The following FYCO1 variants were observed in gnomAD, a reference collection of about 807,000 sequenced individuals.
The protein encoded by FYCO1 is FYVE and coiled-coil domain-containing protein 1.
FYCO1 carries 122 observed loss-of-function variants against 165.1 expected under a neutral mutation model. The ratio of observed to expected loss-of-function variants is 0.74; its 90% CI spans 0.64 to 0.86. FYCO1 has a LOEUF of 0.86. FYCO1 is among the 40% of genes least tolerant of loss of function. FYCO1 has a pLI of 0.00. For synonymous variants in FYCO1, 648 were observed against 742.5 expected, an observed-to-expected ratio of 0.87 and a Z score of 2.07; for missense variants, 1,702 against 1,810.3, an observed-to-expected ratio of 0.94 and a Z score of 1.09.
In FYCO1 at chr3:45,966,746, G is replaced by A; in HGVS notation, c.2588C>T (p.Ala863Val). The A allele has an allele frequency of 6.2e-7, 1 of 1,610,928 alleles. No homozygotes were observed. The highest frequency in any genetic ancestry group is 1.7e-4 in the Middle Eastern group (1 of 6,060). ...GALQEERADEAQQREEELRAL... is the reference protein window; with the variant it reads ...GALQEERADEVQQREEELRAL... ...CCGCAGCTCCTCCTCCCTCTGCTGGGCCTCATCGGCCCTCTCCTCCTGCAG... is the reference window on the plus strand; with the variant it reads ...CCGCAGCTCCTCCTCCCTCTGCTGGACCTCATCGGCCCTCTCCTCCTGCAG... Residue 863 changes from alanine to valine, a missense_variant, in exon 8 of 18, where the codon GCC (alanine) becomes GTC (valine). Physicochemically the swap from Ala to Val is moderately conservative, Grantham distance 64. Coordinates refer to ENST00000296137, the MANE Select transcript of FYCO1 (RefSeq NM_024513.4).
chr3:45,971,081 C>A (rs1167858054), intron 6 of FYCO1, among the ~76,000 whole-genome samples: 1 of 152,104 alleles, frequency 6.6e-6, no homozygotes, highest in East Asian at 1.9e-4. Flanking sequence ...CAAACCTCCC[C>A]ACAAGAGCCA....
At position 45,958,414 on chromosome 3, in the gene FYCO1, C is replaced by T. The variant is rs764544622; in HGVS notation, c.3793G>A (p.Gly1265Ser). 2.5e-6 allele frequency: 4 copies of T among 1,612,154 alleles called. No homozygotes were observed. The African/African-American group carries it at 5.3e-5, about 22-fold the overall frequency. The change falls in exon 13 of 18, where the codon GGC becomes AGC. Residue 1265 changes from glycine (G) to serine (S), a missense_variant. Gly to Ser is a moderately conservative substitution (Grantham distance 56). Transcript: ENST00000296137. ...PASPGPQATG[G>S]QGANTDYRPP... ...GTAGTAGCAGGAGACTGACCTTGGC[C>T]TCCTGTGGCCTGGGGCCCAGGTGAG... is the stretch of plus-strand genomic sequence containing the variant.
intron 14 of FYCO1, 52 bp from the exon 15 acceptor site, chr3:45,936,595 C>T (rs1274543697): frequency 7.7e-7 from 1 of 1,305,502 alleles, no homozygotes; most frequent in East Asian, 2.3e-5. Context: ...CACACAGGGT[C>T]TCACATCCTG....
chr3:45,947,722 A>C (rs1006941198), intron 14 of FYCO1: 2 of 558,696 alleles, frequency 3.6e-6, no homozygotes, highest in African/African-American at 3.8e-5. Flanking sequence ...GGGGGTCTAA[A>C]ATTTTTAAGG....
At position 45,966,701 on chromosome 3, in the gene FYCO1, G is replaced by A. The variant is rs768325536; in HGVS notation, c.2633C>T (p.Ser878Phe). Residue 878 changes from serine (S) to phenylalanine (F), a missense_variant, in exon 8 of 18, where the codon TCC becomes TTC. Coordinates refer to ENST00000296137, the MANE Select transcript of FYCO1 (RefSeq NM_024513.4). ...EELRALQEEL[S>F]QAKCSSEEAQ... ...TTCCTCGGAGCTGCATTTGGCCTGG[G>A]ACAGCTCCTCCTGCAGGGCCCGCAG... is the stretch of plus-strand genomic sequence containing the variant. 18 of 1,613,522 alleles carry A rather than the reference G, an allele frequency of 1.1e-5. No individual in the cohort carries two copies. The highest frequency in any genetic ancestry group is 1.5e-5 in the Non-Finnish European group (18 of 1,179,966).
In FYCO1 at chr3:45,967,633, T is replaced by C; in HGVS notation, c.1701A>G (p.Ala567=). The change falls in exon 8 of 18, where the codon GCA becomes GCG. Residue 567 remains alanine (A), a synonymous_variant. Transcript: ENST00000296137. ...AGPPGPELPV[A]GEKNEALVPV... ...GGACCAGGGCCTCATTCTTCTCACC[T>C]GCCACTGGCAGTTCTGGGCCAGGCG... is the stretch of plus-strand genomic sequence containing the variant. The C allele has an allele frequency of 6.2e-7, 1 of 1,613,968 alleles. No homozygotes were observed. Among genetic ancestry groups the C allele is most frequent in the Non-Finnish European group, 8.5e-7 (1 of 1,180,028 alleles).
chr3:45,945,899 G>A (rs1704562986), intron 14 of FYCO1: 1 of 152,758 alleles, frequency 6.5e-6, no homozygotes, highest in Non-Finnish European at 1.5e-5. Flanking sequence ...TACCCAGGCA[G>A]AGCAGTCTTG....
rs758850543 is a variant in FYCO1 at position 45,968,302 on chromosome 3, C to T, written c.1032G>A (p.Leu344=). ...HTALRRLESM[L]QPLAQELEAT... ...CCTCAAGCTCCTGTGCCAAGGGCTG[C>T]AGCATGGACTCCAGCCGCCGCAGGG... The change falls in exon 8 of 18, where the codon CTG becomes CTA. Residue 344 remains leucine (L), a synonymous_variant. Coordinates refer to ENST00000296137, the MANE Select transcript of FYCO1 (RefSeq NM_024513.4). 1.4e-5 allele frequency: 22 copies of T among 1,613,904 alleles called. No homozygotes were observed. In the South Asian group the frequency reaches 2.3e-4, roughly 17 times the overall value.
chr3:45,966,327 G>C lies in FYCO1; in HGVS notation c.3007C>G (p.Leu1003Val). 6.2e-7 allele frequency: 1 copy of C among 1,614,218 alleles called. No homozygotes were observed. Among genetic ancestry groups the C allele is most frequent in the Non-Finnish European group, 8.5e-7 (1 of 1,180,026 alleles). The change falls in exon 8 of 18, where the codon CTC becomes GTC. Residue 1003 changes from leucine to valine, a missense_variant. Transcript: ENST00000296137. ...QEAAHQELNTLKFQLSAEIMD... is the reference protein window; with the variant it reads ...QEAAHQELNTVKFQLSAEIMD... The stretch of plus-strand genomic sequence containing the variant: ...ATTTCAGCACTCAGCTGGAACTTGA[G>C]GGTGTTGAGCTCCTGGTGTGCAGCC...
chr3:45,969,916 A>T, intron 6 of FYCO1, 151 bp from the exon 7 acceptor site: 1 of 615,682 alleles, frequency 1.6e-6, no homozygotes, highest in Non-Finnish European at 2.9e-6. Context: ...TCCACCAAAG[A>T]GCACAGCTAC....
chr3:45,953,115 A>G (rs1396817285), intron 14 of FYCO1, among the ~76,000 whole-genome samples: 2 of 152,230 alleles, frequency 1.3e-5, no homozygotes, highest in Middle Eastern at 3.2e-3. Context: ...TAGTCAGGGA[A>G]CAGAGGGTTG....
chr3:45,990,859 C>T (rs562126351), intron 1 of FYCO1, among the ~76,000 whole-genome samples: 2 of 152,296 alleles, frequency 1.3e-5, no homozygotes, highest in African/African-American at 4.8e-5. Flanking sequence ...GCAACCTCCC[C>T]CTCCCAGGTT....
Position 45,959,407 on chromosome 3 carries a change from C to T in FYCO1, c.3573G>A (p.Arg1191=), listed in dbSNP as rs763406518. 1.2e-6 allele frequency: 2 copies of T among 1,614,024 alleles called. No individual in the cohort carries two copies. Among genetic ancestry groups the T allele is most frequent in the Non-Finnish European group, 1.7e-6 (2 of 1,180,040 alleles). Residue 1191 remains arginine, a synonymous_variant, in exon 12 of 18, where the codon CGG becomes CGA. Transcript: ENST00000296137. ...DCKREFSWMV[R]RHHCRICGRI... ...TCCCTGCTGACCTGCAGTGGTGCCGCCGCACCATCCAGCTGAACTCCCGCT... is the reference window on the plus strand; with the variant it reads ...TCCCTGCTGACCTGCAGTGGTGCCGTCGCACCATCCAGCTGAACTCCCGCT...
chr3:45,974,928 T>C (rs1044013404), intron 5 of FYCO1, among the ~76,000 whole-genome samples: 1 of 152,208 alleles, frequency 6.6e-6, no homozygotes, highest in African/African-American at 2.4e-5. Context: ...CCAGTAGTGC[T>C]GGCACCAAGG....
intron 13 of FYCO1, 52 bp from the exon 14 acceptor site, chr3:45,955,445 A>G (rs745387841): frequency 1.2e-6 from 2 of 1,608,434 alleles, no homozygotes; most frequent in Non-Finnish European, 1.7e-6. Context: ...ACTGTTATGC[A>G]TAGGCTGGGT....
chr3:45,962,168 T>C lies in FYCO1; in HGVS notation c.3437+57A>G, dbSNP rs904643676. ...GCTTTCAAGAACAGCTGCATTTCTT[T>C]AGAGAAAAACCCCAGTGTGGGGAAA... On this transcript the variant is annotated intron_variant, in intron 11 of 17. Coordinates refer to ENST00000296137, the MANE Select transcript of FYCO1 (RefSeq NM_024513.4). The surrounding 1 kb of genome is among the most constrained non-coding windows in gnomAD (Gnocchi z 4.4). The C allele has an allele frequency of 6.3e-7, 1 of 1,575,788 alleles. No homozygotes were observed. The highest frequency in any genetic ancestry group is 8.7e-7 in the Non-Finnish European group (1 of 1,145,254).
chr3:45,975,494 A>G, intron 4 of FYCO1, 149 bp from the exon 5 acceptor site: 2 of 693,326 alleles, frequency 2.9e-6, no homozygotes, highest in Non-Finnish European at 2.6e-6. Context: ...AGGACACAAC[A>G]CATTTGATAC....
In FYCO1 at chr3:45,973,162, A is replaced by G. The variant is rs1347136326; in HGVS notation, c.465T>C (p.Tyr155=). Residue 155 remains tyrosine (Y), a synonymous_variant, in exon 6 of 18, where the codon TAT becomes TAC. Transcript: ENST00000296137. ...GGTCAAACTGAACCTCAGTCAGCTC[A>G]TAGAGTTGGCCCACAATGTCCGAGC... is the stretch of plus-strand genomic sequence containing the variant. The part of the protein sequence containing the change: ...KLSSDIVGQL[Y]ELTEVQFDLA... 5 of 1,614,108 alleles carry G rather than the reference A, an allele frequency of 3.1e-6. No individual in the cohort carries two copies. In the South Asian group the frequency reaches 4.4e-5, roughly 14 times the overall value.
chr3:45,981,665 C>A lies in FYCO1; in HGVS notation c.67G>T (p.Glu23Ter), dbSNP rs1460716421. The change falls in exon 3 of 18, where the codon GAA (glutamate) becomes TAA (stop). Residue 23 changes from glutamate (E) to a stop codon, truncating the protein, a stop_gained. Transcript: ENST00000296137. LOFTEE classifies it high-confidence loss of function. ...IIRDLQDAVT[E>*]LSKEFQEAGE... ...GCTTCCTGAAATTCTTTGCTTAGTTCTGTCACAGCATCTTTAAGACAACAA... is the reference window on the plus strand; with the variant it reads ...GCTTCCTGAAATTCTTTGCTTAGTTATGTCACAGCATCTTTAAGACAACAA... 3.7e-6 allele frequency: 6 copies of A among 1,610,404 alleles called. No individual in the cohort carries two copies. The highest frequency in any genetic ancestry group is 5.1e-6 in the Non-Finnish European group (6 of 1,176,552).
Sources: gnomAD v4.1 joint callset for allele counts (sites outside exome capture counted in the v4.1 genomes callset) on GRCh38, gnomAD v4.1.1 for gene constraint, Gnocchi (gnomAD v3.1) non-coding constraint, MANE v1.5 for transcripts, NCBI Gene and HGNC (gene_info 2026-07-23, HGNC 2026-07-21) for gene names.